Variants in BRMS1L observed in about 807,000 individuals in gnomAD.
The protein encoded by BRMS1L is BRMS1 like transcriptional repressor.
Under a neutral mutation model 50.3 loss-of-function variants are expected in BRMS1L, and 23 were observed. That is an observed-to-expected ratio of 0.46 (90% CI 0.33 to 0.65). The LOEUF (loss-of-function observed/expected upper bound fraction) is 0.65. Ranked by LOEUF, BRMS1L falls within the 30% of genes least tolerant of loss-of-function variation. BRMS1L has a pLI of 0.02. For missense variants in BRMS1L, 286 were observed against 386.1 expected (o/e 0.74, Z 2.17); for synonymous variants, 114 against 126.9 (o/e 0.90, Z 0.69).
At chr14:35,838,285 T>C (rs1426858535) in intron 4 of BRMS1L, among the ~76,000 whole-genome samples, 1 of 152,228 alleles carries the variant, frequency 6.6e-6, no homozygotes, top group Non-Finnish European at 1.5e-5. Context: ...GATAGACATT[T>C]GGGTTGGTTC....
chr14:35,867,279 T>C (rs1050432036), intron 8 of BRMS1L, among the ~76,000 whole-genome samples: 4 of 152,174 alleles, frequency 2.6e-5, no homozygotes, highest in Admixed American at 6.5e-5. Context: ...GCAGTTGATA[T>C]AACAATTAGC....
chr14:35,861,373 G>A (rs889658237), intron 4 of BRMS1L, among the ~76,000 whole-genome samples: 4 of 152,160 alleles, frequency 2.6e-5, no homozygotes, highest in African/African-American at 4.8e-5. Flanking sequence ...GTCATCTTTG[G>A]TTGGGGAGAT....
At chr14:35,866,807 G>C (rs1280533453) in intron 8 of BRMS1L, among the ~76,000 whole-genome samples, 1 of 152,202 alleles carries the variant, frequency 6.6e-6, no homozygotes, top group Non-Finnish European at 1.5e-5. Flanking sequence ...TGCCAGAGCA[G>C]CTGCCTAGAC....
chr14:35,868,117 T>C lies in BRMS1L; in HGVS notation c.854+85T>C, dbSNP rs1220898417. ...AGTGAAATATTTCCTGCCTCCATAGTGTGCCTATATCATTAGTTGCTTGTG... is the reference window on the plus strand; with the variant it reads ...AGTGAAATATTTCCTGCCTCCATAGCGTGCCTATATCATTAGTTGCTTGTG... On this transcript the variant is annotated intron_variant, in intron 9 of 9. Coordinates refer to ENST00000216807, the MANE Select transcript of BRMS1L (RefSeq NM_032352.4). 6 of 1,367,856 alleles carry C rather than the reference T, an allele frequency of 4.4e-6. No individual in the cohort carries two copies. In the Admixed American group the frequency reaches 7.2e-5, roughly 17 times the overall value. 84.7% of individuals were successfully genotyped at this position (1,367,856 alleles called of 1,614,324 possible).
At chr14:35,841,559 A>C (rs1401153521) in intron 4 of BRMS1L, among the ~76,000 whole-genome samples, 1 of 152,104 alleles carries the variant, frequency 6.6e-6, no homozygotes, top group Admixed American at 6.6e-5. Flanking sequence ...GGCCTCCCAA[A>C]CTGCTGGGAT....
intron 4 of BRMS1L, among the ~76,000 whole-genome samples, chr14:35,846,766 C>T (rs559189479): frequency 6.6e-6 from 1 of 152,260 alleles, no homozygotes. Context: ...GGTAAACTTA[C>T]TTTTTTCCCA....
chr14:35,868,124 A>C, intron 9 of BRMS1L, 92 bp downstream of exon 9: 1 of 1,310,408 alleles, frequency 7.6e-7, no homozygotes, highest in South Asian at 1.6e-5. Context: ...TAGTGTGCCT[A>C]TATCATTAGT....
At chr14:35,863,760 A>G in intron 5 of BRMS1L, 110 bp from the exon 6 acceptor site, 1 of 893,730 alleles carries the variant, frequency 1.1e-6, no homozygotes, top group South Asian at 1.6e-5. Flanking sequence ...CTGCCAATGA[A>G]GTTTTTTACG....
chr14:35,839,948 G>A (rs781777173), intron 4 of BRMS1L, among the ~76,000 whole-genome samples: 3 of 152,012 alleles, frequency 2.0e-5, no homozygotes, highest in East Asian at 1.9e-4. Context: ...GTCTTGTGCC[G>A]GTTTTCAAAG....
At chr14:35,831,352 A>T in intron 1 of BRMS1L, 58 bp from the exon 2 acceptor site, 1 of 1,168,926 alleles carries the variant, frequency 8.6e-7, no homozygotes, top group Non-Finnish European at 1.3e-6. Context: ...TATATTTGAG[A>T]TGTTCAGATA....
chr14:35,830,659 C>T (rs939279611), intron 1 of BRMS1L, among the ~76,000 whole-genome samples: 1 of 152,080 alleles, frequency 6.6e-6, no homozygotes, highest in Non-Finnish European at 1.5e-5. Context: ...CACCCGGCCA[C>T]TTTTCTTTTT....
chr14:35,863,187 A>G (rs1463780849), intron 5 of BRMS1L, among the ~76,000 whole-genome samples: 1 of 152,218 alleles, frequency 6.6e-6, no homozygotes, highest in Non-Finnish European at 1.5e-5. Flanking sequence ...GGAAGAAGGA[A>G]TGAAAACCTT....
chr14:35,866,978 A>G (rs775045848), intron 8 of BRMS1L, among the ~76,000 whole-genome samples: 1 of 152,072 alleles, frequency 6.6e-6, no homozygotes, highest in Non-Finnish European at 1.5e-5. Flanking sequence ...AATTTTGTCT[A>G]TCTCCTGACT....
At chr14:35,831,836 A>G (rs1404846566) in intron 2 of BRMS1L, among the ~76,000 whole-genome samples, 2 of 152,104 alleles carry the variant, frequency 1.3e-5, no homozygotes, top group East Asian at 1.9e-4. Flanking sequence ...AGGTGGATCA[A>G]TTGAGCCCAG....
intron 8 of BRMS1L, 43 bp from the exon 9 acceptor site, chr14:35,867,863 C>G (rs141402819): frequency 5.9e-6 from 9 of 1,514,734 alleles, no homozygotes; most frequent in Non-Finnish European, 7.9e-6. Context: ...GTTCTTCTGA[C>G]AGTGTTTTAT....
Position 35,826,613 on chromosome 14 carries a change from G to T in BRMS1L, c.97G>T (p.Glu33Ter). 2 of 1,612,460 alleles carry T rather than the reference G, an allele frequency of 1.2e-6. No individual in the cohort carries two copies. Among genetic ancestry groups the T allele is most frequent in the South Asian group, 1.1e-5 (1 of 90,468 alleles). Residue 33 changes from glutamate to a stop codon, truncating the protein, a stop_gained, in exon 1 of 10, where the codon GAG (glutamate) becomes TAG (stop). Coordinates refer to ENST00000216807, the MANE Select transcript of BRMS1L (RefSeq NM_032352.4). LOFTEE classifies it high-confidence loss of function. ...AENEGSSSEDEDTESSSVSED... is the reference protein window; with the variant it reads ...AENEGSSSED ...AAATGAGGGGAGCAGCTCCGAGGAC[G>T]AGGACACTGAGAGCTCGTCGGTCTC...
chr14:35,842,740 G>T (rs1595665561), intron 4 of BRMS1L, among the ~76,000 whole-genome samples: 1 of 152,164 alleles, frequency 6.6e-6, no homozygotes, highest in Non-Finnish European at 1.5e-5. Flanking sequence ...CCAGGTTGGG[G>T]AAGTGCTCCT....
chr14:35,828,451 C>A (rs1417193757), intron 1 of BRMS1L, among the ~76,000 whole-genome samples: 2 of 146,064 alleles, frequency 1.4e-5, no homozygotes, highest in Non-Finnish European at 1.5e-5. Flanking sequence ...GGATTACAGG[C>A]ATGAGCTACC....
chr14:35,830,172 C>T (rs1198637032), intron 1 of BRMS1L, among the ~76,000 whole-genome samples: 4 of 152,156 alleles, frequency 2.6e-5, no homozygotes, highest in South Asian at 2.1e-4. Flanking sequence ...TGGGTTCAAG[C>T]GATTCTCCTG....
Sources: allele counts gnomAD v4.1 joint callset (sites outside exome capture counted in the v4.1 genomes callset), GRCh38; gene constraint gnomAD v4.1.1; transcripts MANE v1.5; gene names NCBI Gene and HGNC (gene_info 2026-07-23, HGNC 2026-07-21).